Variants in R3HDM1 observed in about 807,000 individuals in gnomAD.
R3HDM1 encodes the protein R3H domain-containing protein 1.
A neutral mutation model predicts 141.1 loss-of-function variants in R3HDM1; 46 were observed. The ratio of observed to expected loss-of-function variants is 0.33; its 90% confidence interval spans 0.26 to 0.42. The LOEUF is 0.42. Ranked by LOEUF, R3HDM1 falls within the 10% of genes least tolerant of loss-of-function variation. The pLI is 1.00. For synonymous variants in R3HDM1, 435 were observed against 472.9 expected, an observed-to-expected ratio of 0.92 and a Z score of 1.04; for missense variants, 1,184 against 1,368.3, an observed-to-expected ratio of 0.87 and a Z score of 2.12.
At chr2:135,616,593 A>G in intron 4 of R3HDM1, 75 bp from the exon 5 acceptor site, 1 of 1,239,084 alleles carries the variant, frequency 8.1e-7, no homozygotes, top group South Asian at 1.4e-5. Flanking sequence ...GAAACTTAGA[A>G]ACTCTTTCTA....
intron 7 of R3HDM1, among the ~76,000 whole-genome samples, chr2:135,624,142 T>A (rs956678178): frequency 2.0e-5 from 3 of 152,178 alleles, no homozygotes; most frequent in African/African-American, 7.2e-5. Context: ...ACGCTTGTAA[T>A]CCCAGCACTT....
At chr2:135,609,817 C>T (rs143057349) in intron 3 of R3HDM1, among the ~76,000 whole-genome samples, 2,240 of 152,060 alleles carry the variant, frequency 0.015, 24 homozygotes, top group Middle Eastern at 0.021. Context: ...CTAAGGCAAG[C>T]GGATCGCTTG....
At chr2:135,635,565 TAAAG>T (rs1488032678) in intron 9 of R3HDM1, among the ~76,000 whole-genome samples, 1 of 152,176 alleles carries the variant, frequency 6.6e-6, no homozygotes, top group Non-Finnish European at 1.5e-5. Context: ...ATTTTACAAA[TAAAG>T]AAACCGGGAA....
chr2:135,667,200 C>T, intron 19 of R3HDM1: 5 of 982,574 alleles, frequency 5.1e-6, no homozygotes, highest in Non-Finnish European at 6.0e-6. Context: ...CCTTCCTGCT[C>T]TCTTCTTGGT....
chr2:135,536,195 A>G (rs1262487457), intron 1 of R3HDM1, among the ~76,000 whole-genome samples: 1 of 152,178 alleles, frequency 6.6e-6, no homozygotes, highest in Non-Finnish European at 1.5e-5. Context: ...ACTGGAGTGC[A>G]GCGACAGGAT....
intron 1 of R3HDM1, among the ~76,000 whole-genome samples, chr2:135,565,322 A>AATTATTATT (rs72174180): frequency 8.4e-5 from 12 of 143,156 alleles, no homozygotes; most frequent in South Asian, 2.2e-4. Flanking sequence ...AATGAAAAAA[A>AATTATTATT]ATTATTATTA....
At position 135,651,744 on chromosome 2, in the gene R3HDM1, G is replaced by T. The variant is rs1243524112; in HGVS notation, c.1740G>T (p.Gly580=). Residue 580 remains glycine (G), a synonymous_variant, in exon 18 of 27, where the codon GGG becomes GGT. Coordinates refer to ENST00000683871, the MANE Select transcript of R3HDM1 (RefSeq NM_001378107.1). ...TQQYSVQDNL[G]SQFSHMSLAR... ...TCCTTTTTTAGCAGGATAACCTAGG[G>T]TCTCAGTTTAGCCACATGAGTCTTG... The T allele has an allele frequency of 3.7e-6, 6 of 1,609,190 alleles. No homozygotes were observed. Among genetic ancestry groups the T allele is most frequent in the South Asian group, 1.1e-5 (1 of 90,510 alleles).
intron 23 of R3HDM1, 112 bp from the exon 24 acceptor site, chr2:135,715,438 C>G: frequency 8.1e-7 from 1 of 1,230,876 alleles, no homozygotes; most frequent in Non-Finnish European, 1.1e-6. Flanking sequence ...AGATCACATG[C>G]TTCTATAATG....
intron 13 of R3HDM1, 43 bp downstream of exon 13, chr2:135,638,832 C>T (rs1313460905): frequency 6.2e-7 from 1 of 1,611,320 alleles, no homozygotes; most frequent in African/African-American, 1.3e-5. Flanking sequence ...AAAATTAAAG[C>T]ATTTTTTTCT....
At chr2:135,626,080 G>C (rs2105195043) in intron 7 of R3HDM1, among the ~76,000 whole-genome samples, 1 of 152,294 alleles carries the variant, frequency 6.6e-6, no homozygotes, top group Middle Eastern at 3.4e-3. Flanking sequence ...CAGTCTTGGG[G>C]ACTGAGCCCC....
chr2:135,593,535 G>A (rs921974195), intron 1 of R3HDM1, among the ~76,000 whole-genome samples: 2 of 152,000 alleles, frequency 1.3e-5, no homozygotes, highest in Non-Finnish European at 2.9e-5. Flanking sequence ...ATCTCCTCAT[G>A]AGCTCAAGAA....
intron 1 of R3HDM1, among the ~76,000 whole-genome samples, chr2:135,545,807 C>T (rs879911986): frequency 1.8e-4 from 27 of 152,278 alleles, no homozygotes; most frequent in African/African-American, 5.3e-4. Context: ...TCAAGGATTT[C>T]CTGTCTTCTT....
At chr2:135,683,558 A>AT in intron 21 of R3HDM1, among the ~76,000 whole-genome samples, 1 of 126,248 alleles carries the variant, frequency 7.9e-6, no homozygotes, top group Middle Eastern at 4.1e-3. Flanking sequence ...TATCTCAAAA[A>AT]AAAAAAAAAA....
At chr2:135,654,805 A>G (rs1380857373) in intron 18 of R3HDM1, among the ~76,000 whole-genome samples, 1 of 151,634 alleles carries the variant, frequency 6.6e-6, no homozygotes, top group African/African-American at 2.4e-5. Context: ...TTGAATATGT[A>G]GGTACATGTA....
At chr2:135,698,980 CAGATAGATAGATAGAT>C (rs71400533) in intron 21 of R3HDM1, among the ~76,000 whole-genome samples, 33 of 78,188 alleles carry the variant, frequency 4.2e-4, no homozygotes, top group African/African-American at 1.5e-3. Context: ...ATATTACACT[CAGATAGATAGATAGAT>C]AGATAGATAG....
chr2:135,700,518 A>T (rs2074053661), intron 21 of R3HDM1, among the ~76,000 whole-genome samples: 1 of 152,228 alleles, frequency 6.6e-6, no homozygotes, highest in African/African-American at 2.4e-5. Flanking sequence ...ATTGACAATA[A>T]GATGTAGGGT....
intron 5 of R3HDM1, 136 bp from the exon 6 acceptor site, chr2:135,621,358 T>G: frequency 2.1e-6 from 1 of 476,986 alleles, no homozygotes; most frequent in Non-Finnish European, 3.6e-6. Flanking sequence ...AAGTTGTTTT[T>G]TAGTTTGAAG....
chr2:135,718,421 A>G (rs2076374435), intron 24 of R3HDM1, among the ~76,000 whole-genome samples: 1 of 152,210 alleles, frequency 6.6e-6, no homozygotes, highest in Admixed American at 6.5e-5. Context: ...GACTGAAAAG[A>G]TAGACACCAA....
intron 1 of R3HDM1, among the ~76,000 whole-genome samples, chr2:135,539,298 A>G (rs1041373952): frequency 6.6e-6 from 1 of 152,186 alleles, no homozygotes; most frequent in Non-Finnish European, 1.5e-5. Flanking sequence ...GTACATATGT[A>G]TGTGCTATAC....
Sources: gnomAD v4.1 joint callset for allele counts (sites outside exome capture counted in the v4.1 genomes callset) on GRCh38, gnomAD v4.1.1 for gene constraint, MANE v1.5 for transcripts, NCBI Gene and HGNC (gene_info 2026-07-23, HGNC 2026-07-21) for gene names.